Variants in CCSER1 observed in about 807,000 individuals in gnomAD.
The protein encoded by CCSER1 is coiled-coil serine rich protein 1, also known as serine-rich coiled-coil domain-containing protein 1.
In CCSER1, 41 loss-of-function variants were observed where a neutral mutation model predicts 82.0. That is an observed-to-expected ratio of 0.50 (90% CI 0.39 to 0.65). CCSER1 has a LOEUF of 0.65. CCSER1 is among the 30% of genes least tolerant of loss of function. CCSER1 has a pLI of 0.00. For synonymous variants in CCSER1, 414 were observed against 383.9 expected, an observed-to-expected ratio of 1.08 and a Z score of -0.92; for missense variants, 1,119 against 1,064.2, an observed-to-expected ratio of 1.05 and a Z score of -0.72.
At chr4:90,651,329 A>G (rs940077269) in intron 6 of CCSER1, among the ~76,000 whole-genome samples, 1 of 152,214 alleles carries the variant, frequency 6.6e-6, no homozygotes, top group Non-Finnish European at 1.5e-5. Context: ...AAAATGTGGC[A>G]CATATACACT....
At chr4:90,510,593 G>A (rs926239263) in intron 5 of CCSER1, among the ~76,000 whole-genome samples, 3 of 152,172 alleles carry the variant, frequency 2.0e-5, no homozygotes, top group African/African-American at 4.8e-5. Context: ...GCAATCAAAT[G>A]TTATCTTTCT....
intron 5 of CCSER1, among the ~76,000 whole-genome samples, chr4:90,504,696 A>G (rs1223118065): frequency 6.6e-6 from 1 of 152,184 alleles, no homozygotes; most frequent in Non-Finnish European, 1.5e-5. Context: ...TAAAGTGACA[A>G]TAAGAAAAAT....
chr4:91,349,844 A>G (rs1001003361), intron 10 of CCSER1, among the ~76,000 whole-genome samples: 3 of 143,468 alleles, frequency 2.1e-5, no homozygotes, highest in East Asian at 1.9e-4. Flanking sequence ...GCAATTTGTC[A>G]ATTACAGTTT....
At chr4:90,845,359 T>TAAAA (rs886923723) in intron 8 of CCSER1, among the ~76,000 whole-genome samples, 9 of 96,566 alleles carry the variant, frequency 9.3e-5, no homozygotes, top group African/African-American at 1.6e-4. Context: ...AGACGCCATC[T>TAAAA]AAAAAAAAAA....
At chr4:91,171,953 A>G (rs1475581251) in intron 10 of CCSER1, among the ~76,000 whole-genome samples, 1 of 152,090 alleles carries the variant, frequency 6.6e-6, no homozygotes, top group East Asian at 1.9e-4. Flanking sequence ...AACTTTAGCT[A>G]TTTGGTTCAT....
At chr4:91,272,971 A>G (rs1274402655) in intron 10 of CCSER1, among the ~76,000 whole-genome samples, 2 of 152,088 alleles carry the variant, frequency 1.3e-5, no homozygotes, top group Non-Finnish European at 2.9e-5. Context: ...TTTTTATATC[A>G]GTATCATGCT....
chr4:91,268,623 C>T (rs1048101540), intron 10 of CCSER1, among the ~76,000 whole-genome samples: 1 of 152,028 alleles, frequency 6.6e-6, no homozygotes, highest in East Asian at 1.9e-4. Context: ...CACCTGGGTG[C>T]AGGCTGGCTG....
intron 1 of CCSER1, among the ~76,000 whole-genome samples, chr4:90,268,284 T>G (rs1384803150): frequency 6.6e-6 from 1 of 152,110 alleles, no homozygotes; most frequent in Non-Finnish European, 1.5e-5. Flanking sequence ...TGTAAAGTAC[T>G]CATATCTTAA....
intron 6 of CCSER1, among the ~76,000 whole-genome samples, chr4:90,689,461 G>A (rs925661088): frequency 2.6e-5 from 4 of 152,214 alleles, no homozygotes; most frequent in Admixed American, 6.5e-5. Flanking sequence ...AAAACAGCTC[G>A]TTGATATAGA....
At chr4:90,642,465 G>T (rs952172896) in intron 6 of CCSER1, 8 of 152,152 alleles carry the variant, frequency 5.3e-5, no homozygotes, top group Admixed American at 2.0e-4. Flanking sequence ...TTGAAAACTT[G>T]TGGAAATTGA....
chr4:90,434,696 G>A (rs935694733), intron 4 of CCSER1, among the ~76,000 whole-genome samples: 2 of 152,218 alleles, frequency 1.3e-5, no homozygotes, highest in African/African-American at 4.8e-5. Flanking sequence ...TGGGAGATGA[G>A]CCTGTGAAGC....
chr4:90,344,788 T>C (rs1438423970), intron 3 of CCSER1, among the ~76,000 whole-genome samples: 3 of 152,134 alleles, frequency 2.0e-5, no homozygotes, highest in Non-Finnish European at 4.4e-5. Context: ...CACCTCTGAA[T>C]GAATGTATGT....
intron 9 of CCSER1, among the ~76,000 whole-genome samples, chr4:90,959,653 T>C (rs930924380): frequency 6.6e-6 from 1 of 152,084 alleles, no homozygotes; most frequent in African/African-American, 2.4e-5. Context: ...GTGCCAAAGA[T>C]AAATTTGACA....
At chr4:90,517,738 CTAGT>C (rs1018766716) in intron 5 of CCSER1, among the ~76,000 whole-genome samples, 3 of 152,030 alleles carry the variant, frequency 2.0e-5, no homozygotes, top group African/African-American at 7.2e-5. Context: ...TCAGAGAAGG[CTAGT>C]TAGAGAAGAA....
At chr4:90,344,610 A>T (rs1020326480) in intron 3 of CCSER1, among the ~76,000 whole-genome samples, 11 of 152,166 alleles carry the variant, frequency 7.2e-5, no homozygotes, top group African/African-American at 2.7e-4. Context: ...AAGTTGAGCC[A>T]TCAAAGATCC....
intron 8 of CCSER1, among the ~76,000 whole-genome samples, chr4:90,836,956 A>G (rs992353904): frequency 1.3e-5 from 2 of 152,244 alleles, no homozygotes; most frequent in African/African-American, 4.8e-5. Flanking sequence ...GATCAGTTGA[A>G]GCTGAAAATA....
intron 10 of CCSER1, among the ~76,000 whole-genome samples, chr4:91,357,550 T>G (rs1378377633): frequency 6.6e-6 from 1 of 152,160 alleles, no homozygotes; most frequent in Non-Finnish European, 1.5e-5. Context: ...ATAATTTTTT[T>G]AACCTTTTAA....
intron 7 of CCSER1, among the ~76,000 whole-genome samples, chr4:90,747,302 G>A (rs1199635226): frequency 6.6e-6 from 1 of 152,048 alleles, no homozygotes; most frequent in Non-Finnish European, 1.5e-5. Flanking sequence ...CTAGATGCAG[G>A]CAAAATAATT....
intron 10 of CCSER1, among the ~76,000 whole-genome samples, chr4:91,096,625 C>T (rs188404273): frequency 7.2e-4 from 110 of 152,228 alleles, no homozygotes; most frequent in Non-Finnish European, 1.4e-3. Context: ...CTAATTCGGG[C>T]CAATCTATTT....
Sources: allele counts gnomAD v4.1 joint callset (sites outside exome capture counted in the v4.1 genomes callset), GRCh38; gene constraint gnomAD v4.1.1; transcripts MANE v1.5; gene names NCBI Gene and HGNC (gene_info 2026-07-23, HGNC 2026-07-21).